Variants in ZNF75A observed in about 807,000 individuals in gnomAD.
ZNF75A encodes the protein zinc finger protein 75A.
Under a neutral mutation model 46.3 loss-of-function variants are expected in ZNF75A, and 36 were observed. That is an observed-to-expected ratio of 0.78 (90% confidence interval 0.60 to 1.03). The LOEUF (loss-of-function observed/expected upper bound fraction) is 1.03. Ranked by LOEUF, ZNF75A falls within the 50% of genes least tolerant of loss-of-function variation. The pLI is 0.00. For synonymous variants in ZNF75A, 234 were observed against 189.9 expected, an observed-to-expected ratio of 1.23 and a Z score of -1.91; for missense variants, 595 against 551.3, an observed-to-expected ratio of 1.08 and a Z score of -0.79.
chr16:3,322,853 C>G, downstream of ZNF75A: 1 of 971,980 alleles, frequency 1.0e-6, no homozygotes. Flanking sequence ...CGACTGCTCC[C>G]GGAGTCTTAG....
chr16:3,322,482 G>A (rs953327627), downstream of ZNF75A, among the ~76,000 whole-genome samples: 44 of 152,188 alleles, frequency 2.9e-4, no homozygotes, highest in Non-Finnish European at 4.0e-4. Flanking sequence ...CTGATAATGC[G>A]TGTACTTTGC....
chr16:3,309,470 AAAAAC>A (rs1960558563), intron 2 of ZNF75A: 2 of 148,056 alleles, frequency 1.4e-5, no homozygotes, highest in East Asian at 2.2e-4. Flanking sequence ...AAAAAACAAA[AAAAAC>A]AAAAAAAAAA....
In ZNF75A at chr16:3,318,723, A is replaced by G; in HGVS notation, c.*854A>G. ...TGGCTTTTCTTTGTTGTTAAGAATG[A>G]GAGACTTAATTTCCATGGGAGTTGG... On this transcript the variant is annotated 3_prime_UTR_variant, in exon 7 of 7. Transcript: ENST00000669516. 3 of 985,428 alleles carry G rather than the reference A, an allele frequency of 3.0e-6. No individual in the cohort carries two copies. Among genetic ancestry groups the G allele is most frequent in the Non-Finnish European group, 3.6e-6 (3 of 829,936 alleles). The allele number at this position is 985,428 out of a possible 1,614,324, so 61.0% of individuals were successfully genotyped here.
In ZNF75A at chr16:3,317,490, G is replaced by T. The variant is rs781597515; in HGVS notation, c.1235G>T (p.Arg412Ile). 7 of 1,613,910 alleles carry T rather than the reference G, an allele frequency of 4.3e-6. No individual in the cohort carries two copies. The highest frequency in any genetic ancestry group is 5.1e-6 in the Non-Finnish European group (6 of 1,179,988). Residue 412 changes from arginine to isoleucine, a missense_variant, in exon 7 of 7, where the codon AGA (arginine) becomes ATA (isoleucine). Arg to Ile is a moderately conservative substitution (Grantham distance 97). Coordinates refer to ENST00000669516, the MANE Select transcript of ZNF75A (RefSeq NM_001302109.2). Reference protein sequence around the residue: ...FKCQECGKTFRVSSDLIKHQR... With the variant: ...FKCQECGKTFIVSSDLIKHQR... ...TGTCAGGAATGTGGGAAAACCTTCA[G>T]AGTTAGCTCTGACCTTATTAAGCAC... is the stretch of plus-strand genomic sequence containing the variant.
downstream of ZNF75A, among the ~76,000 whole-genome samples, chr16:3,320,487 T>G (rs903247717): frequency 6.6e-6 from 1 of 152,194 alleles, no homozygotes; most frequent in East Asian, 1.9e-4. Context: ...TAAACTGAGC[T>G]GATGCAACAC....
rs1387601256 is a variant in ZNF75A at position 3,312,700 on chromosome 16, G to A, written c.628G>A (p.Ala210Thr). ...ERAVPTQQIL[A>T]FPEQTNTKDW... Reference sequence around the variant, plus strand: ...AGCTGTGCCTACTCAACAGATTCTAGCTTTTCCTGAGCAAACAAACACCAA... The same window carrying A: ...AGCTGTGCCTACTCAACAGATTCTAACTTTTCCTGAGCAAACAAACACCAA... The change falls in exon 4 of 7, where the codon GCT becomes ACT. Residue 210 changes from alanine (A) to threonine (T), a missense_variant. By Grantham distance (58) the Ala-to-Thr change is moderately conservative. Coordinates refer to ENST00000669516, the MANE Select transcript of ZNF75A (RefSeq NM_001302109.2). 9.8e-7 allele frequency: 1 copy of A among 1,017,888 alleles called. No individual in the cohort carries two copies. Among genetic ancestry groups the A allele is most frequent in the African/African-American group, 1.7e-5 (1 of 58,124 alleles). The allele number at this position is 1,017,888 out of a possible 1,614,324, so 63.1% of individuals were successfully genotyped here. A position where few individuals can be genotyped will look rare whatever the true frequency, so the allele number is the denominator to read the frequency against.
At chr16:3,322,559 C>T (rs879626304), downstream of ZNF75A, among the ~76,000 whole-genome samples, 6 of 152,332 alleles carry the variant, frequency 3.9e-5, no homozygotes, top group Admixed American at 1.3e-4. Context: ...TTTTGCATTG[C>T]ATTTCAGATT....
rs1244392371 is a variant in ZNF75A, at chr16:3,311,918, CAT to C, written c.576_577del (p.His192GlnfsTer4). ...GLQEQLSRNT[H>X]KETEPVYERA... ...GCAAGAACAGCTCAGCAGGAATACT[CAT>C]AAAGAGACTGAGCCTGTGTATGAGA... is the stretch of plus-strand genomic sequence containing the variant. On this transcript the variant is annotated frameshift_variant, in exon 3 of 7. Transcript: ENST00000669516. LOFTEE classifies it high-confidence loss of function. 6 of 987,978 alleles carry C rather than the reference CAT, an allele frequency of 6.1e-6. No homozygotes were observed. Among genetic ancestry groups the C allele is most frequent in the Non-Finnish European group, 7.2e-6 (6 of 830,808 alleles). The allele number at this position is 987,978 out of a possible 1,614,324, so 61.2% of individuals were successfully genotyped here.
At position 3,318,038 on chromosome 16, in the gene ZNF75A, A is replaced by T. The variant is rs927192229; in HGVS notation, c.*169A>T. On this transcript the variant is annotated 3_prime_UTR_variant, in exon 7 of 7. Transcript: ENST00000669516. ...AAGACTTGCTCTGCAGCCACTCAGT[A>T]GTCTTCTGTGGTCACAGAAGTAAAC... 5.0e-6 allele frequency: 7 copies of T among 1,407,986 alleles called. No homozygotes were observed. The highest frequency in any genetic ancestry group is 6.4e-6 in the Non-Finnish European group (7 of 1,087,808). The allele number at this position is 1,407,986 out of a possible 1,614,324, so 87.2% of individuals were successfully genotyped here. A position where few individuals can be genotyped will look rare whatever the true frequency, so the allele number is the denominator to read the frequency against.
At position 3,318,563 on chromosome 16, in the gene ZNF75A, A is replaced by G. The variant is rs1345846626; in HGVS notation, c.*694A>G. 1 of 985,346 alleles carries G rather than the reference A, an allele frequency of 1.0e-6. No individual in the cohort carries two copies. The highest frequency in any genetic ancestry group is 1.1e-4 in the East Asian group (1 of 8,836). The allele number at this position is 985,346 out of a possible 1,614,324, so 61.0% of individuals were successfully genotyped here. ...TAAAGAATTTTCTGCAATAAAAGAA[A>G]CTAGACTTGTTAATCCCTGCCTTGC... On this transcript the variant is annotated 3_prime_UTR_variant, in exon 7 of 7. Transcript: ENST00000669516.
chr16:3,314,270 AC>A (rs1178721863), intron 5 of ZNF75A, among the ~76,000 whole-genome samples: 1 of 152,212 alleles, frequency 6.6e-6, no homozygotes, highest in Non-Finnish European at 1.5e-5. Context: ...GATCATAGAA[AC>A]AAGAGAAATA....
chr16:3,315,863 C>A (rs187147587), intron 5 of ZNF75A: 30 of 152,310 alleles, frequency 2.0e-4, no homozygotes, highest in African/African-American at 6.7e-4. Context: ...GGTCTGGCTC[C>A]TATGGAGTTC....
At position 3,318,332 on chromosome 16, in the gene ZNF75A, C is replaced by T. The variant is rs556634859; in HGVS notation, c.*463C>T. ...GACATCACTTGAGTTCCTTCTTAAA[C>T]TTTTCGGCAACTTCTCTTGGATCCT... On this transcript the variant is annotated 3_prime_UTR_variant, in exon 7 of 7. Coordinates refer to ENST00000669516, the MANE Select transcript of ZNF75A (RefSeq NM_001302109.2). 1.3e-5 allele frequency: 13 copies of T among 988,312 alleles called. No homozygotes were observed. Among genetic ancestry groups the T allele is most frequent in the Non-Finnish European group, 1.4e-5 (12 of 831,984 alleles). 61.2% of individuals were successfully genotyped at this position (988,312 alleles called of 1,614,324 possible).
Position 3,318,746 on chromosome 16 carries a change from T to TG in ZNF75A, c.*879dup, listed in dbSNP as rs1246666462. On this transcript the variant is annotated 3_prime_UTR_variant, in exon 7 of 7. Coordinates refer to ENST00000669516, the MANE Select transcript of ZNF75A (RefSeq NM_001302109.2). ...TGAGAGACTTAATTTCCATGGGAGTTGGAGTGTGTGTGCTGCAGGCAGGAT... is the reference window on the plus strand; with the variant it reads ...TGAGAGACTTAATTTCCATGGGAGTTGGGAGTGTGTGTGCTGCAGGCAGGAT... The TG allele has an allele frequency of 1.1e-5, 11 of 985,348 alleles. No homozygotes were observed. The highest frequency in any genetic ancestry group is 1.2e-4 in the Admixed American group (2 of 16,264). The allele number at this position is 985,348 out of a possible 1,614,324, so 61.0% of individuals were successfully genotyped here.
intron 5 of ZNF75A, among the ~76,000 whole-genome samples, chr16:3,313,377 G>A (rs1960956304): frequency 6.6e-6 from 1 of 152,142 alleles, no homozygotes; most frequent in Admixed American, 6.5e-5. Flanking sequence ...CCCACATTGA[G>A]TCCTTTATCC....
At chr16:3,322,775 G>A (rs1567277106), downstream of ZNF75A, 5 of 354,954 alleles carry the variant, frequency 1.4e-5, no homozygotes, top group Non-Finnish European at 2.0e-5. Context: ...CTTCCTATGT[G>A]TATTTCAAGT....
At chr16:3,312,905 G>A (rs1960917798) in intron 4 of ZNF75A, 137 bp downstream of exon 4, 6 of 1,258,100 alleles carry the variant, frequency 4.8e-6, no homozygotes, top group East Asian at 2.6e-5. Context: ...GTGGGCTGAC[G>A]CCTTTTCTCC....
chr16:3,312,915 C>T, intron 4 of ZNF75A, 134 bp from the exon 5 acceptor site: 1 of 1,324,754 alleles, frequency 7.5e-7, no homozygotes, highest in South Asian at 1.6e-5. Context: ...GCCTTTTCTC[C>T]TTTTTTTCTG....
chr16:3,308,284 A>G (rs1337496230), intron 1 of ZNF75A, 29 bp from the exon 2 acceptor site: 1 of 389,164 alleles, frequency 2.6e-6, no homozygotes, highest in African/African-American at 2.2e-5. Context: ...TTTCTTATTG[A>G]TACATACTTT....
Sources: gnomAD v4.1 joint callset for allele counts (sites outside exome capture counted in the v4.1 genomes callset) on GRCh38, gnomAD v4.1.1 for gene constraint, MANE v1.5 for transcripts, NCBI Gene and HGNC (gene_info 2026-07-23, HGNC 2026-07-21) for gene names.